The following FGF7 variants were observed in gnomAD, a reference collection of about 807,000 sequenced individuals.
The protein encoded by FGF7 is FGF-7.
FGF7 carries 6 observed loss-of-function variants against 20.5 expected under a neutral mutation model. That is an observed-to-expected ratio of 0.29 (90% CI 0.16 to 0.58). The LOEUF is 0.58. Ranked by LOEUF, FGF7 falls within the 20% of genes least tolerant of loss-of-function variation. FGF7 has a pLI of 0.90. For synonymous variants in FGF7, 64 were observed against 74.7 expected, an observed-to-expected ratio of 0.86 and a Z score of 0.74; for missense variants, 144 against 228.8, an observed-to-expected ratio of 0.63 and a Z score of 2.39.
chr15:49,457,146 T>C (rs2053377206), intron 2 of FGF7, among the ~76,000 whole-genome samples: 1 of 152,074 alleles, frequency 6.6e-6, no homozygotes, highest in Non-Finnish European at 1.5e-5. Context: ...AGTAGAGAAC[T>C]ACTAAAACTT....
chr15:49,462,320 C>T (rs188509067), intron 2 of FGF7, among the ~76,000 whole-genome samples: 1 of 152,016 alleles, frequency 6.6e-6, no homozygotes, highest in African/African-American at 2.4e-5. Context: ...ATGTATTTTG[C>T]AAGATAAATA....
At chr15:49,464,295 G>A (rs1399513617) in intron 2 of FGF7, among the ~76,000 whole-genome samples, 2 of 152,128 alleles carry the variant, frequency 1.3e-5, no homozygotes, top group East Asian at 3.9e-4. Context: ...CTATCATGTT[G>A]AGAATCACTG....
At chr15:49,481,622 A>G (rs1275227677) in intron 2 of FGF7, among the ~76,000 whole-genome samples, 1 of 152,178 alleles carries the variant, frequency 6.6e-6, no homozygotes, top group Non-Finnish European at 1.5e-5. Context: ...TGCAAAATAT[A>G]TGGACGTGTT....
chr15:49,424,986 T>C (rs1296320813), intron 2 of FGF7: 2 of 153,418 alleles, frequency 1.3e-5, no homozygotes, highest in Non-Finnish European at 2.9e-5. Flanking sequence ...AGTAGGGAAA[T>C]TATTTTTATT....
chr15:49,442,404 G>A (rs551949743), intron 2 of FGF7, among the ~76,000 whole-genome samples: 2 of 151,788 alleles, frequency 1.3e-5, no homozygotes, highest in African/African-American at 2.4e-5. Context: ...CCTTGTGAGA[G>A]TAAAATGTGA....
At chr15:49,429,565 G>C (rs1451417998) in intron 2 of FGF7, among the ~76,000 whole-genome samples, 1 of 151,848 alleles carries the variant, frequency 6.6e-6, no homozygotes, top group Non-Finnish European at 1.5e-5. Context: ...GAATTACAGA[G>C]AATGGAAGAA....
chr15:49,466,207 G>C (rs1483346694), intron 2 of FGF7, among the ~76,000 whole-genome samples: 1 of 152,212 alleles, frequency 6.6e-6, no homozygotes, highest in Non-Finnish European at 1.5e-5. Flanking sequence ...CCTCAGACCT[G>C]TTGGATCAGA....
At chr15:49,424,628 A>G (rs747707846) in intron 2 of FGF7, 45 bp downstream of exon 2, 1 of 1,413,614 alleles carries the variant, frequency 7.1e-7, no homozygotes, top group Admixed American at 2.3e-5. Context: ...CAATCTGTTA[A>G]TGGATCAATT....
At chr15:49,457,255 T>C (rs192209678) in intron 2 of FGF7, among the ~76,000 whole-genome samples, 5 of 152,118 alleles carry the variant, frequency 3.3e-5, no homozygotes, top group African/African-American at 7.2e-5. Context: ...TTTAATACTA[T>C]AATATTCCAA....
intron 2 of FGF7, among the ~76,000 whole-genome samples, chr15:49,427,480 G>T (rs767862656): frequency 1.1e-4 from 16 of 151,886 alleles, no homozygotes; most frequent in Non-Finnish European, 1.5e-4. Flanking sequence ...TTTTCAACAG[G>T]TTGTCATGTC....
chr15:49,425,751 A>C (rs1283005671), intron 2 of FGF7, among the ~76,000 whole-genome samples: 1 of 151,842 alleles, frequency 6.6e-6, no homozygotes, highest in Non-Finnish European at 1.5e-5. Flanking sequence ...CTTTTTAACC[A>C]TAATTGATAT....
intron 2 of FGF7, among the ~76,000 whole-genome samples, chr15:49,480,928 ACT>A (rs2055888804): frequency 6.6e-6 from 1 of 152,180 alleles, no homozygotes; most frequent in Non-Finnish European, 1.5e-5. Context: ...ATTAATAATA[ACT>A]CTATCAGTCA....
chr15:49,446,331 C>T (rs557347213), intron 2 of FGF7, among the ~76,000 whole-genome samples: 31 of 151,582 alleles, frequency 2.0e-4, no homozygotes, highest in African/African-American at 7.0e-4. Flanking sequence ...AGAGCACCTT[C>T]GATGTACAGG....
chr15:49,475,390 A>C (rs955471858), intron 2 of FGF7, among the ~76,000 whole-genome samples: 1 of 152,228 alleles, frequency 6.6e-6, no homozygotes, highest in Non-Finnish European at 1.5e-5. Flanking sequence ...AAAAGGAACC[A>C]GGGTAGTCCT....
At chr15:49,432,026 C>A (rs548314605) in intron 2 of FGF7, among the ~76,000 whole-genome samples, 7 of 151,784 alleles carry the variant, frequency 4.6e-5, no homozygotes, top group African/African-American at 1.7e-4. Flanking sequence ...GTGCCGAAAA[C>A]TGTAATAATC....
At chr15:49,458,659 A>G (rs750066323) in intron 2 of FGF7, among the ~76,000 whole-genome samples, 1 of 152,138 alleles carries the variant, frequency 6.6e-6, no homozygotes, top group Non-Finnish European at 1.5e-5. Flanking sequence ...ACAAATGGGA[A>G]TCTAATACTT....
intron 2 of FGF7, among the ~76,000 whole-genome samples, chr15:49,437,116 G>A (rs971267812): frequency 4.0e-5 from 6 of 151,324 alleles, no homozygotes; most frequent in African/African-American, 1.5e-4. Context: ...GTTCTTTAGG[G>A]TCTGGAAAAT....
At chr15:49,436,711 G>C (rs918461176) in intron 2 of FGF7, among the ~76,000 whole-genome samples, 2 of 151,514 alleles carry the variant, frequency 1.3e-5, no homozygotes, top group African/African-American at 4.8e-5. Flanking sequence ...TACATAGCTA[G>C]TAACTGTCAA....
At chr15:49,482,599 T>C (rs2056052973) in intron 2 of FGF7, among the ~76,000 whole-genome samples, 1 of 152,020 alleles carries the variant, frequency 6.6e-6, no homozygotes, top group African/African-American at 2.4e-5. Context: ...TTTATCCAAA[T>C]AGAAAAGTAA....
Sources: gnomAD v4.1 joint callset for allele counts (sites outside exome capture counted in the v4.1 genomes callset) on GRCh38, gnomAD v4.1.1 for gene constraint, MANE v1.5 for transcripts, NCBI Gene and HGNC (gene_info 2026-07-23, HGNC 2026-07-21) for gene names.